Variants in CAMKMT observed in about 807,000 individuals in gnomAD.
The protein encoded by CAMKMT is calmodulin-lysine N-methyltransferase.
In CAMKMT, 53 loss-of-function variants were observed where a neutral mutation model predicts 48.0. The observed-to-expected ratio is 1.10, with a 90% CI of 0.89 to 1.39. The LOEUF (loss-of-function observed/expected upper bound fraction) is 1.39, where lower values mean the gene tolerates loss of function less well. Ranked by LOEUF, CAMKMT falls within the 40% of genes most tolerant of loss-of-function variation. The pLI, the probability that CAMKMT is intolerant of heterozygous loss-of-function variation, is 0.00. For missense variants in CAMKMT, 428 were observed against 402.7 expected, an observed-to-expected ratio of 1.06 and a Z score of -0.54; for synonymous variants, 165 against 152.3, an observed-to-expected ratio of 1.08 and a Z score of -0.61.
chr2:44,406,928 T>A (rs1319359138), intron 3 of CAMKMT, among the ~76,000 whole-genome samples: 2 of 152,214 alleles, frequency 1.3e-5, no homozygotes, highest in African/African-American at 2.4e-5. Flanking sequence ...TTTATATCTA[T>A]GCTATTCTTT....
At chr2:44,545,269 A>G (rs141566779) in intron 3 of CAMKMT, among the ~76,000 whole-genome samples, 2 of 152,350 alleles carry the variant, frequency 1.3e-5, no homozygotes, top group African/African-American at 2.4e-5. Flanking sequence ...AAACATTCCC[A>G]GTGATGCTAG....
At chr2:44,539,472 C>T (rs981649343) in intron 3 of CAMKMT, among the ~76,000 whole-genome samples, 4 of 152,058 alleles carry the variant, frequency 2.6e-5, no homozygotes, top group African/African-American at 9.7e-5. Context: ...AACCACAGTA[C>T]AATTATCAAA....
chr2:44,614,014 A>T (rs1207446060), intron 3 of CAMKMT, among the ~76,000 whole-genome samples: 2 of 152,266 alleles, frequency 1.3e-5, no homozygotes, highest in Admixed American at 6.5e-5. Context: ...CCTATAAAAT[A>T]GATAAATACA....
intron 1 of CAMKMT, among the ~76,000 whole-genome samples, chr2:44,372,291 C>A (rs1377689321): frequency 6.6e-6 from 1 of 151,996 alleles, no homozygotes; most frequent in Non-Finnish European, 1.5e-5. Context: ...TGAATCCAGC[C>A]TGGGTAATAT....
chr2:44,658,541 C>A (rs368397257), intron 3 of CAMKMT, among the ~76,000 whole-genome samples: 1 of 152,090 alleles, frequency 6.6e-6, no homozygotes, highest in African/African-American at 2.4e-5. Flanking sequence ...ATTAGCAAAG[C>A]GGTTGAGATG....
chr2:44,622,348 A>T (rs57532386), intron 3 of CAMKMT, among the ~76,000 whole-genome samples: 4,611 of 152,308 alleles, frequency 0.03, 191 homozygotes, highest in African/African-American at 0.094. Context: ...CTTTTAAAAA[A>T]CATTTATTTT....
At chr2:44,429,184 C>T (rs1447534813) in intron 3 of CAMKMT, among the ~76,000 whole-genome samples, 1 of 152,002 alleles carries the variant, frequency 6.6e-6, no homozygotes, top group African/African-American at 2.4e-5. Flanking sequence ...GACATCCCTA[C>T]CCTACAAGCT....
chr2:44,629,286 C>G (rs1033967811), intron 3 of CAMKMT, among the ~76,000 whole-genome samples: 1 of 152,042 alleles, frequency 6.6e-6, no homozygotes, highest in East Asian at 1.9e-4. Context: ...TCTTTATCCT[C>G]AGTAATATTT....
chr2:44,666,482 C>A (rs1674975651), intron 3 of CAMKMT, among the ~76,000 whole-genome samples: 1 of 152,134 alleles, frequency 6.6e-6, no homozygotes, highest in Non-Finnish European at 1.5e-5. Flanking sequence ...AACTTCTCCT[C>A]CTGCAAATAG....
At chr2:44,425,560 A>G (rs1411585261) in intron 3 of CAMKMT, among the ~76,000 whole-genome samples, 1 of 152,200 alleles carries the variant, frequency 6.6e-6, no homozygotes, top group African/African-American at 2.4e-5. Context: ...TTCCAGGTTT[A>G]TAAGATTGAT....
chr2:44,692,325 C>A (rs1676701605), intron 3 of CAMKMT, among the ~76,000 whole-genome samples: 1 of 151,962 alleles, frequency 6.6e-6, no homozygotes. Flanking sequence ...CTCATTTAAT[C>A]CCCACAGCAC....
chr2:44,426,993 A>C (rs948773971), intron 3 of CAMKMT, among the ~76,000 whole-genome samples: 2 of 152,192 alleles, frequency 1.3e-5, no homozygotes, highest in African/African-American at 4.8e-5. Context: ...AATGGAACAG[A>C]ATAGAGAATC....
chr2:44,624,680 A>G (rs1241230850), intron 3 of CAMKMT, among the ~76,000 whole-genome samples: 1 of 152,170 alleles, frequency 6.6e-6, no homozygotes, highest in Non-Finnish European at 1.5e-5. Flanking sequence ...GCTGCATGGT[A>G]TTCCATGGTG....
chr2:44,569,046 C>T (rs538662465), intron 3 of CAMKMT, among the ~76,000 whole-genome samples: 71 of 152,198 alleles, frequency 4.7e-4, no homozygotes, highest in Non-Finnish European at 5.1e-4. Flanking sequence ...CTGGATTGTT[C>T]GGGTTAATGC....
chr2:44,762,607 TAACA>T (rs1680665526), intron 9 of CAMKMT, among the ~76,000 whole-genome samples: 1 of 152,238 alleles, frequency 6.6e-6, no homozygotes, highest in African/African-American at 2.4e-5. Context: ...TATACATATG[TAACA>T]AACCTGCACG....
At chr2:44,382,280 T>C (rs966984038) in intron 2 of CAMKMT, among the ~76,000 whole-genome samples, 23 of 152,086 alleles carry the variant, frequency 1.5e-4, no homozygotes, top group Admixed American at 3.3e-4. Flanking sequence ...CTTTTCTTAG[T>C]ATTTACTGTA....
chr2:44,635,428 A>T (rs781599301), intron 3 of CAMKMT, among the ~76,000 whole-genome samples: 1 of 152,230 alleles, frequency 6.6e-6, no homozygotes, highest in African/African-American at 2.4e-5. Context: ...AATGTATATT[A>T]TTGTACTGAT....
At chr2:44,550,195 T>C (rs932884269) in intron 3 of CAMKMT, among the ~76,000 whole-genome samples, 1 of 151,030 alleles carries the variant, frequency 6.6e-6, no homozygotes. Flanking sequence ...AGCCCAGGAG[T>C]TTGAGACCAA....
At chr2:44,550,061 T>C (rs1392590936) in intron 3 of CAMKMT, among the ~76,000 whole-genome samples, 1 of 152,178 alleles carries the variant, frequency 6.6e-6, no homozygotes, top group Non-Finnish European at 1.5e-5. Context: ...AATACCTTGA[T>C]AAAGAGCCAA....
Sources: gnomAD v4.1 joint callset for allele counts (sites outside exome capture counted in the v4.1 genomes callset) on GRCh38, gnomAD v4.1.1 for gene constraint, MANE v1.5 for transcripts, NCBI Gene and HGNC (gene_info 2026-07-23, HGNC 2026-07-21) for gene names.